SLC4A4: variants seen among roughly 807,000 people sequenced by gnomAD.
SLC4A4 encodes the protein electrogenic sodium bicarbonate cotransporter 1.
Under a neutral mutation model 111.5 loss-of-function variants are expected in SLC4A4, and 27 were observed. That is an observed-to-expected ratio of 0.24 (90% CI 0.18 to 0.33). The LOEUF is 0.33. Among genes scored for constraint, SLC4A4 ranks in the 10% least tolerant of loss-of-function variants. SLC4A4 has a pLI of 1.00. For missense variants in SLC4A4, 909 were observed against 1,315.5 expected (o/e 0.69, Z 4.78); for synonymous variants, 443 against 463.4 (o/e 0.96, Z 0.57).
chr4:71,209,976 T>C (rs1053816547), intron 1 of SLC4A4, among the ~76,000 whole-genome samples: 8 of 152,256 alleles, frequency 5.3e-5, no homozygotes, highest in African/African-American at 1.9e-4. Context: ...TGAACATTTA[T>C]ACACTTTTCC....
At chr4:71,135,507 G>T (rs922795238) in intron 2 of SLC4A4, among the ~76,000 whole-genome samples, 4 of 151,950 alleles carry the variant, frequency 2.6e-5, no homozygotes, top group African/African-American at 9.7e-5. Flanking sequence ...TGTTGGCCAG[G>T]CTTCTCTCGA....
intron 16 of SLC4A4, among the ~76,000 whole-genome samples, chr4:71,521,172 T>C (rs1356265105): frequency 1.3e-5 from 2 of 152,196 alleles, no homozygotes; most frequent in Non-Finnish European, 1.5e-5. Context: ...ATATTCCTTA[T>C]CTCAGCTAAT....
intron 6 of SLC4A4, among the ~76,000 whole-genome samples, chr4:71,390,398 A>G (rs991977218): frequency 2.0e-5 from 3 of 152,216 alleles, no homozygotes; most frequent in South Asian, 2.1e-4. Flanking sequence ...CAAACACTTG[A>G]CTATGGCTAT....
chr4:71,102,669 T>A (rs1268234940), intron 2 of SLC4A4, among the ~76,000 whole-genome samples: 5 of 150,074 alleles, frequency 3.3e-5, no homozygotes, highest in African/African-American at 1.2e-4. Context: ...CCAGCCAAAC[T>A]AAGCTTCATA....
chr4:71,550,106 A>C (rs1418953500), intron 20 of SLC4A4, among the ~76,000 whole-genome samples: 1 of 151,948 alleles, frequency 6.6e-6, no homozygotes, highest in Admixed American at 6.6e-5. Context: ...TTGTAAGAAT[A>C]AATGAAAAAT....
At position 71,408,345 on chromosome 4, in the gene SLC4A4, G is replaced by C. The variant is rs1300034983; in HGVS notation, c.807+10692G>C. Among the ~76,000 whole-genome samples the C allele has an allele frequency of 2.0e-5, 3 of 152,128 alleles. No individual in the cohort carries two copies. The East Asian group carries it at 5.8e-4, about 29-fold the overall frequency. ...CAGTCTGAACTGCTTTTTCTACTGAGTTGTTTTGTGAAAAGGAAAATACTT... is the reference window on the plus strand; with the variant it reads ...CAGTCTGAACTGCTTTTTCTACTGACTTGTTTTGTGAAAAGGAAAATACTT... On this transcript the variant is annotated intron_variant, in intron 7 of 25. Transcript: ENST00000264485.
intron 2 of SLC4A4, among the ~76,000 whole-genome samples, chr4:71,095,341 G>T (rs1377982829): frequency 2.0e-5 from 3 of 152,222 alleles, no homozygotes; most frequent in Non-Finnish European, 2.9e-5. Flanking sequence ...CTGCCAAGAT[G>T]TTCAGAGGCC....
chr4:71,370,337 C>T (rs914465262), intron 6 of SLC4A4, among the ~76,000 whole-genome samples: 1 of 152,124 alleles, frequency 6.6e-6, no homozygotes, highest in East Asian at 1.9e-4. Context: ...GTCAGATTGC[C>T]CAAAAGATCT....
In SLC4A4 at chr4:71,408,188, T is replaced by A. The variant is rs550162217; in HGVS notation, c.807+10535T>A. On this transcript the variant is annotated intron_variant, in intron 7 of 25. Coordinates refer to ENST00000264485, the MANE Select transcript of SLC4A4 (RefSeq NM_001098484.3). The stretch of plus-strand genomic sequence containing the variant: ...CAGAGTATCAGCACATAACATTGAG[T>A]ATTTTAATCACTGTGGCAGGAGAAA... Among the ~76,000 whole-genome samples, 117 of 152,258 alleles carry A rather than the reference T, an allele frequency of 7.7e-4. 1 individual carries two copies. Among genetic ancestry groups the A allele is most frequent in the African/African-American group, 2.5e-3 (105 of 41,540 alleles).
chr4:71,556,921 T>G lies in SLC4A4; in HGVS notation c.2764-791T>G, dbSNP rs183141103. On this transcript the variant is annotated intron_variant, in intron 21 of 25. Coordinates refer to ENST00000264485, the MANE Select transcript of SLC4A4 (RefSeq NM_001098484.3). ...TTCAATAGCTATTTACTGAGCATCT[T>G]TCATTGAAAGATCCTGTGATAGGTT... 1.8e-4 allele frequency among the ~76,000 whole-genome samples: 28 copies of G among 152,124 alleles called. No homozygotes were observed. The East Asian group carries it at 4.1e-3, about 22-fold the overall frequency.
In SLC4A4 at chr4:71,419,469, G is replaced by A. The variant is rs904354190; in HGVS notation, c.808-21147G>A. Among the ~76,000 whole-genome samples the A allele has an allele frequency of 7.2e-5, 11 of 152,236 alleles. 1 individual carries two copies. In the South Asian group the frequency reaches 1.0e-3, roughly 14 times the overall value. The stretch of plus-strand genomic sequence containing the variant: ...TCAGACTGCTGTGCTAGCAATCAGC[G>A]AGACTCCGTGGGCGTAGGACCCTCC... On this transcript the variant is annotated intron_variant, in intron 7 of 25. Transcript: ENST00000264485.
At chr4:71,533,929 A>G (rs1359432145) in intron 17 of SLC4A4, among the ~76,000 whole-genome samples, 1 of 152,012 alleles carries the variant, frequency 6.6e-6, no homozygotes, top group Admixed American at 6.6e-5. Context: ...CTTTAAACTT[A>G]AATCAGTTTC....
chr4:71,325,983 T>C lies in SLC4A4; in HGVS notation c.254-13387T>C, dbSNP rs187101981. 2.5e-4 allele frequency among the ~76,000 whole-genome samples: 38 copies of C among 152,004 alleles called. No individual in the cohort carries two copies. In the East Asian group the frequency reaches 6.2e-3, roughly 25 times the overall value. On this transcript the variant is annotated intron_variant, in intron 3 of 25. Transcript: ENST00000264485. The stretch of plus-strand genomic sequence containing the variant: ...TTTATTTATAAAGGTGAAAATGAAG[T>C]TTGAGGATTTTATATATATATTTAA...
intron 2 of SLC4A4, among the ~76,000 whole-genome samples, chr4:71,148,809 T>G (rs1578525482): frequency 6.6e-6 from 1 of 152,196 alleles, no homozygotes; most frequent in African/African-American, 2.4e-5. Context: ...TTGATGGGCA[T>G]TTGTGTTGAT....
intron 3 of SLC4A4, among the ~76,000 whole-genome samples, chr4:71,315,415 A>G (rs980866877): frequency 6.6e-6 from 1 of 152,182 alleles, no homozygotes; most frequent in Admixed American, 6.5e-5. Context: ...GTTTTTAATC[A>G]TAGTTTTATT....
At chr4:71,440,815 G>T in intron 8 of SLC4A4, 42 bp downstream of exon 8, 1 of 1,602,566 alleles carries the variant, frequency 6.2e-7, no homozygotes, top group Non-Finnish European at 8.5e-7. Context: ...GTGCTAATAG[G>T]GTTATCTCCT....
rs1332415542 is a variant in SLC4A4 at position 71,424,380 on chromosome 4, T to G, written c.808-16236T>G. The stretch of plus-strand genomic sequence containing the variant: ...GGATGTGGAGAAATAGGAACACTTT[T>G]ACACTGTTGGTGGGACTGTAAACTA... On this transcript the variant is annotated intron_variant, in intron 7 of 25. Transcript: ENST00000264485. Among the ~76,000 whole-genome samples the G allele has an allele frequency of 1.2e-4, 18 of 151,704 alleles. 1 individual carries two copies. The highest frequency in any genetic ancestry group is 4.2e-4 in the South Asian group (2 of 4,748).
chr4:71,142,189 G>A (rs1028239282), intron 2 of SLC4A4, among the ~76,000 whole-genome samples: 1 of 152,220 alleles, frequency 6.6e-6, no homozygotes, highest in Non-Finnish European at 1.5e-5. Context: ...ATATTTTGCG[G>A]TGAGCAGTAT....
intron 1 of SLC4A4, among the ~76,000 whole-genome samples, chr4:71,200,089 TTGTC>T (rs1429043989): frequency 3.9e-5 from 6 of 152,172 alleles, no homozygotes; most frequent in Non-Finnish European, 7.4e-5. Flanking sequence ...CCTTAGGTGA[TTGTC>T]TGGGGATGTG....
Sources: allele counts gnomAD v4.1 joint callset (sites outside exome capture counted in the v4.1 genomes callset), GRCh38; gene constraint gnomAD v4.1.1; transcripts MANE v1.5; gene names NCBI Gene and HGNC (gene_info 2026-07-23, HGNC 2026-07-21).